TMEM74: variants seen among roughly 807,000 people sequenced by gnomAD.
TMEM74 encodes the protein transmembrane protein 74.
A neutral mutation model predicts 18.1 loss-of-function variants in TMEM74; 13 were observed. That is an observed-to-expected ratio of 0.72 (90% confidence interval 0.47 to 1.14). The LOEUF (loss-of-function observed/expected upper bound fraction) is 1.14. Among genes scored for constraint, TMEM74 ranks in the 50% most tolerant of loss-of-function variants. TMEM74 has a pLI of 0.00. For synonymous variants in TMEM74, 159 were observed against 146.6 expected, an observed-to-expected ratio of 1.08 and a Z score of -0.61; for missense variants, 372 against 375.9, an observed-to-expected ratio of 0.99 and a Z score of 0.09.
chr8:108,666,729 C>T (rs1812952903), intron 1 of TMEM74, among the ~76,000 whole-genome samples: 1 of 152,032 alleles, frequency 6.6e-6, no homozygotes, highest in Non-Finnish European at 1.5e-5. Context: ...CATCTCTTGG[C>T]CCAGATTTAA....
intron 1 of TMEM74, among the ~76,000 whole-genome samples, chr8:108,658,194 G>T (rs957467417): frequency 6.6e-6 from 1 of 151,862 alleles, no homozygotes; most frequent in African/African-American, 2.4e-5. Flanking sequence ...GTGGAAAGAG[G>T]ACAGGGATTT....
chr8:108,770,095 C>T (rs184742527), intron 1 of TMEM74, among the ~76,000 whole-genome samples: 6 of 152,130 alleles, frequency 3.9e-5, no homozygotes, highest in Admixed American at 1.3e-4. Flanking sequence ...GGACTTTCTC[C>T]ATAGATCAAT....
At chr8:108,712,846 A>T (rs1450197325) in intron 1 of TMEM74, among the ~76,000 whole-genome samples, 1 of 152,174 alleles carries the variant, frequency 6.6e-6, no homozygotes, top group Admixed American at 6.5e-5. Context: ...AACAGAAAAG[A>T]AACTGGGGAT....
At chr8:108,770,550 G>A (rs1463611384) in intron 1 of TMEM74, among the ~76,000 whole-genome samples, 1 of 152,076 alleles carries the variant, frequency 6.6e-6, no homozygotes, top group Non-Finnish European at 1.5e-5. Context: ...ATTATTCATG[G>A]TAGCTATTTA....
At chr8:108,771,562 A>G (rs1025603046) in intron 1 of TMEM74, among the ~76,000 whole-genome samples, 2 of 152,174 alleles carry the variant, frequency 1.3e-5, no homozygotes, top group Non-Finnish European at 2.9e-5. Context: ...GGATGATGCT[A>G]TATTTGAGAG....
chr8:108,631,864 G>T (rs537874703), intron 2 of TMEM74, among the ~76,000 whole-genome samples: 1 of 152,130 alleles, frequency 6.6e-6, no homozygotes. Flanking sequence ...ACAAGCCACT[G>T]GGGGTGTAGA....
At chr8:108,740,062 T>A (rs1048124146) in intron 1 of TMEM74, among the ~76,000 whole-genome samples, 1 of 152,104 alleles carries the variant, frequency 6.6e-6, no homozygotes, top group Non-Finnish European at 1.5e-5. Context: ...TTAGCATTTA[T>A]AAGGTACATG....
chr8:108,615,325 A>C (rs1009706635), intron 2 of TMEM74, among the ~76,000 whole-genome samples: 1 of 152,192 alleles, frequency 6.6e-6, no homozygotes, highest in African/African-American at 2.4e-5. Context: ...GACCATTATT[A>C]AACAAGACAC....
At chr8:108,688,270 C>A (rs576249778) in intron 1 of TMEM74, among the ~76,000 whole-genome samples, 2 of 152,174 alleles carry the variant, frequency 1.3e-5, no homozygotes, top group African/African-American at 2.4e-5. Flanking sequence ...ATATATTATT[C>A]GACCAGAAAA....
At chr8:108,696,326 A>G (rs1813281261) in intron 1 of TMEM74, among the ~76,000 whole-genome samples, 1 of 152,226 alleles carries the variant, frequency 6.6e-6, no homozygotes, top group Non-Finnish European at 1.5e-5. Flanking sequence ...TATATTGCAA[A>G]TGAAAAATCT....
chr8:108,723,406 T>C (rs1018468430), intron 1 of TMEM74, among the ~76,000 whole-genome samples: 7 of 152,140 alleles, frequency 4.6e-5, no homozygotes, highest in African/African-American at 1.7e-4. Context: ...CTGACCAAGT[T>C]TGTAAATCTA....
chr8:108,636,493 T>C (rs1480130246), intron 2 of TMEM74, among the ~76,000 whole-genome samples: 2 of 152,082 alleles, frequency 1.3e-5, no homozygotes, highest in Non-Finnish European at 2.9e-5. Context: ...CATATCTATG[T>C]TCTCCATTTG....
chr8:108,673,802 G>T (rs1341716019), intron 1 of TMEM74, among the ~76,000 whole-genome samples: 2 of 152,158 alleles, frequency 1.3e-5, no homozygotes, highest in African/African-American at 4.8e-5. Context: ...AGATATTATT[G>T]TCTTTGTCAT....
rs924584976 is a variant in TMEM74 at position 108,672,056 on chromosome 8, C to T, written n.120-16619G>A. Among the ~76,000 whole-genome samples, 8 of 152,114 alleles carry T rather than the reference C, an allele frequency of 5.3e-5. No individual in the cohort carries two copies. The South Asian group carries it at 1.7e-3, about 31-fold the overall frequency. ...AGAGAATTTAATCCTTATTTCAGAT[C>T]TTGTACCTGACACTGTGGGTGGAAA... On this transcript the variant is annotated intron_variant and non_coding_transcript_variant, in intron 1 of 3. Coordinates refer to the TMEM74 transcript ENST00000518838.
At chr8:108,626,824 C>T (rs1812499065) in intron 2 of TMEM74, 1 of 151,942 alleles carries the variant, frequency 6.6e-6, no homozygotes, top group Non-Finnish European at 1.5e-5. Flanking sequence ...TTTATCAACA[C>T]TTCATACTTC....
chr8:108,649,911 G>A (rs11992663), intron 2 of TMEM74, among the ~76,000 whole-genome samples: 2,873 of 151,996 alleles, frequency 0.019, 89 homozygotes, highest in African/African-American at 0.064. Flanking sequence ...ATTTTGCCTC[G>A]GCTTTCATAG....
In TMEM74 at chr8:108,621,765, T is replaced by G. The variant is rs77250848; in HGVS notation, n.265-12939A>C. On this transcript the variant is annotated intron_variant and non_coding_transcript_variant, in intron 2 of 3. Transcript: ENST00000518838. Reference sequence around the variant, plus strand: ...TAGTTGGGTGAACTTGGTTGAGTTATTTAATTTCTTAGTGCTTGTCACCCC... The same window carrying G: ...TAGTTGGGTGAACTTGGTTGAGTTAGTTAATTTCTTAGTGCTTGTCACCCC... Among the ~76,000 whole-genome samples the G allele has an allele frequency of 7.9e-4, 120 of 152,260 alleles. No individual in the cohort carries two copies. The East Asian group carries it at 0.019, about 24-fold the overall frequency.
chr8:108,764,034 T>C (rs377650412), intron 1 of TMEM74, among the ~76,000 whole-genome samples: 47 of 152,168 alleles, frequency 3.1e-4, no homozygotes, highest in African/African-American at 1.1e-3. Flanking sequence ...CTCTAGAGGG[T>C]GGAAGTTCTG....
chr8:108,620,670 A>G (rs1305624162), intron 2 of TMEM74, among the ~76,000 whole-genome samples: 2 of 152,104 alleles, frequency 1.3e-5, no homozygotes, highest in Non-Finnish European at 2.9e-5. Flanking sequence ...TCTCGGAAAG[A>G]TATCGCTTAG....
Sources: gnomAD v4.1 joint callset for allele counts (sites outside exome capture counted in the v4.1 genomes callset) on GRCh38, gnomAD v4.1.1 for gene constraint, MANE v1.5 for transcripts, NCBI Gene and HGNC (gene_info 2026-07-23, HGNC 2026-07-21) for gene names.